FSTL4: variants seen among roughly 807,000 people sequenced by gnomAD.
FSTL4 encodes the protein follistatin-related protein 4.
FSTL4 carries 28 observed loss-of-function variants against 78.2 expected under a neutral mutation model. The observed-to-expected ratio is 0.36, with a 90% CI of 0.27 to 0.49. The LOEUF is 0.49. Ranked by LOEUF, FSTL4 falls within the 20% of genes least tolerant of loss-of-function variation. FSTL4 has a pLI of 0.98. For missense variants in FSTL4, 922 were observed against 1,084.9 expected (o/e 0.85, Z 2.11); for synonymous variants, 422 against 440.5 (o/e 0.96, Z 0.53).
chr5:133,595,844 C>T (rs993998381), intron 2 of FSTL4, among the ~76,000 whole-genome samples: 5 of 152,164 alleles, frequency 3.3e-5, no homozygotes, highest in Non-Finnish European at 1.5e-5. Context: ...AGGGCGATTC[C>T]CTTAGCTCCA....
chr5:133,236,844 G>A lies in FSTL4; in HGVS notation c.895-3307C>T, dbSNP rs765588455. Among the ~76,000 whole-genome samples the A allele has an allele frequency of 3.9e-5, 6 of 152,148 alleles. No homozygotes were observed. Among genetic ancestry groups the A allele is most frequent in the African/African-American group, 7.2e-5 (3 of 41,432 alleles). ...ACCTCTTCCCCACACCCTGCTTGGC[G>A]CCTCCTGTGGACGCACTGCTGTGCC... On this transcript the variant is annotated intron_variant, in intron 7 of 15. Coordinates refer to ENST00000265342, the MANE Select transcript of FSTL4 (RefSeq NM_015082.2). The surrounding 1 kb of genome is among the most constrained non-coding windows in gnomAD (Gnocchi z 5.0).
At chr5:133,269,952 TTC>T in intron 6 of FSTL4, 1 of 152,288 alleles carries the variant, frequency 6.6e-6, no homozygotes, top group Non-Finnish European at 1.5e-5. Context: ...CCTGCTCTGC[TTC>T]TCTCTCTCTC....
chr5:133,339,606 C>G (rs928197310), intron 4 of FSTL4, among the ~76,000 whole-genome samples: 9 of 152,178 alleles, frequency 5.9e-5, no homozygotes, highest in Admixed American at 1.3e-4. Flanking sequence ...AACAAAGGAA[C>G]GAACACATGG....
chr5:133,607,903 G>A lies in FSTL4; in HGVS notation c.-10-3910C>T, dbSNP rs946497765. Reference sequence around the variant, plus strand: ...TTATGGGCTAAGAAAAAATACGGTAGAAGGAAAGAAGGGAGGGAGGGAGGG... The same window carrying A: ...TTATGGGCTAAGAAAAAATACGGTAAAAGGAAAGAAGGGAGGGAGGGAGGG... On this transcript the variant is annotated intron_variant, in intron 1 of 15. Transcript: ENST00000265342. Among the ~76,000 whole-genome samples, 14 of 130,484 alleles carry A rather than the reference G, an allele frequency of 1.1e-4. No homozygotes were observed. The South Asian group carries it at 3.9e-3, about 37-fold the overall frequency. 85.6% of individuals were successfully genotyped at this position (130,484 alleles called of 152,430 possible). A position where few individuals can be genotyped will look rare whatever the true frequency, so the allele number is the denominator to read the frequency against.
intron 3 of FSTL4, among the ~76,000 whole-genome samples, chr5:133,424,012 G>A (rs554307696): frequency 6.6e-6 from 1 of 152,318 alleles, no homozygotes; most frequent in South Asian, 2.1e-4. Flanking sequence ...TGTGCACGAG[G>A]GCAAAGGGCA....
At chr5:133,819,899 G>A in the FSTL4 span, among the ~76,000 whole-genome samples, 18 of 152,250 alleles carry the variant, frequency 1.2e-4, no homozygotes, top group South Asian at 6.2e-4. Context: ...GGGCTGCTGC[G>A]TTTAGTCCTC....
upstream of FSTL4, among the ~76,000 whole-genome samples, chr5:133,615,397 G>A (rs76383118): frequency 0.017 from 2,621 of 152,346 alleles, 84 homozygotes; most frequent in African/African-American, 0.059. Flanking sequence ...TGGATGGGAG[G>A]CACAAGGATG....
intron 3 of FSTL4, among the ~76,000 whole-genome samples, chr5:133,421,592 G>A (rs900849313): frequency 2.0e-5 from 3 of 152,234 alleles, no homozygotes; most frequent in African/African-American, 7.2e-5. Context: ...GGTAACACTA[G>A]CAAGCTGGTC....
At chr5:133,323,001 T>C (rs149367546) in intron 4 of FSTL4, among the ~76,000 whole-genome samples, 1 of 152,136 alleles carries the variant, frequency 6.6e-6, no homozygotes, top group East Asian at 1.9e-4. Context: ...GCTTGTTGAA[T>C]GAGAGGACCA....
the FSTL4 span, among the ~76,000 whole-genome samples, chr5:133,825,463 C>T: frequency 4.6e-5 from 7 of 152,226 alleles, no homozygotes; most frequent in Non-Finnish European, 8.8e-5. Flanking sequence ...ACTGCATTGA[C>T]CTTTGCTTCT....
At chr5:133,245,573 C>T (rs1272303178) in intron 7 of FSTL4, among the ~76,000 whole-genome samples, 1 of 152,224 alleles carries the variant, frequency 6.6e-6, no homozygotes, top group Non-Finnish European at 1.5e-5. Flanking sequence ...CTTTCTCTTG[C>T]CCCCAGAACA....
At chr5:133,689,039 G>T in the FSTL4 span, among the ~76,000 whole-genome samples, 14 of 152,008 alleles carry the variant, frequency 9.2e-5, no homozygotes, top group South Asian at 2.3e-3. Context: ...CATTGCTTGG[G>T]TCCCCAAGCA....
intron 3 of FSTL4, among the ~76,000 whole-genome samples, chr5:133,453,468 T>C (rs1365850215): frequency 6.6e-6 from 1 of 152,188 alleles, no homozygotes. Context: ...GGGCCTCACA[T>C]AGGGACCTAT....
chr5:133,203,510 A>C (rs1750393906), intron 14 of FSTL4, among the ~76,000 whole-genome samples: 1 of 152,092 alleles, frequency 6.6e-6, no homozygotes, highest in South Asian at 2.1e-4. Flanking sequence ...GCTGGGCTGG[A>C]GTGATGCAAG....
chr5:133,329,647 G>A (rs1418637089), intron 4 of FSTL4, among the ~76,000 whole-genome samples: 6 of 151,998 alleles, frequency 3.9e-5, no homozygotes, highest in East Asian at 1.9e-4. Flanking sequence ...CTTTATATTC[G>A]CTGGAAGCTG....
chr5:133,661,831 G>T, the FSTL4 span, among the ~76,000 whole-genome samples: 1 of 152,116 alleles, frequency 6.6e-6, no homozygotes, highest in Non-Finnish European at 1.5e-5. Context: ...CTTCTGTGTT[G>T]TCCTTAATTG....
intron 3 of FSTL4, among the ~76,000 whole-genome samples, chr5:133,430,954 T>C (rs1372464403): frequency 6.6e-6 from 1 of 152,248 alleles, no homozygotes; most frequent in Non-Finnish European, 1.5e-5. Context: ...TAAAGTGTTC[T>C]ATTAAACTTC....
intron 4 of FSTL4, among the ~76,000 whole-genome samples, chr5:133,331,341 C>T (rs917354746): frequency 6.6e-6 from 1 of 151,998 alleles, no homozygotes; most frequent in Non-Finnish European, 1.5e-5. Context: ...GCTTCTGAGC[C>T]AAGCCAAAGA....
intron 2 of FSTL4, among the ~76,000 whole-genome samples, chr5:133,580,309 C>A (rs1334358074): frequency 6.6e-6 from 1 of 152,136 alleles, no homozygotes; most frequent in Non-Finnish European, 1.5e-5. Flanking sequence ...ACCCTCAGCC[C>A]CATCACCCAG....
Sources: gnomAD v4.1 joint callset for allele counts (sites outside exome capture counted in the v4.1 genomes callset) on GRCh38, gnomAD v4.1.1 for gene constraint, Gnocchi (gnomAD v3.1) non-coding constraint, MANE v1.5 for transcripts, NCBI Gene and HGNC (gene_info 2026-07-23, HGNC 2026-07-21) for gene names.